SELENOF: variants seen among roughly 807,000 people sequenced by gnomAD.
SELENOF encodes the protein selenoprotein F.
Under a neutral mutation model 20.5 loss-of-function variants are expected in SELENOF, and 16 were observed. The ratio of observed to expected loss-of-function variants is 0.78; its 90% confidence interval spans 0.53 to 1.19. SELENOF has a LOEUF of 1.19. SELENOF is among the 50% of genes most tolerant of loss of function. The pLI, the probability that SELENOF is intolerant of heterozygous loss-of-function variation, is 0.00. For missense variants in SELENOF, 215 were observed against 194.2 expected (o/e 1.11, Z -0.64); for synonymous variants, 78 against 74.5 (o/e 1.05, Z -0.24).
At chr1:86,904,537 A>C (rs1659782180) in intron 1 of SELENOF, among the ~76,000 whole-genome samples, 1 of 152,096 alleles carries the variant, frequency 6.6e-6, no homozygotes, top group Non-Finnish European at 1.5e-5. Context: ...TCCTCTTTGG[A>C]TTCTATCTTA....
intron 2 of SELENOF, among the ~76,000 whole-genome samples, chr1:86,887,606 C>T (rs552645482): frequency 1.1e-4 from 16 of 152,178 alleles, no homozygotes; most frequent in South Asian, 8.3e-4. Context: ...GATATCAGTG[C>T]ATTCTAGGTT....
At chr1:86,900,019 C>A (rs1461312385) in intron 2 of SELENOF, among the ~76,000 whole-genome samples, 2 of 151,244 alleles carry the variant, frequency 1.3e-5, no homozygotes, top group African/African-American at 4.9e-5. Flanking sequence ...TCCTCACTTC[C>A]TAGATGGGAT....
chr1:86,872,357 CTTTT>C (rs1557454902), intron 3 of SELENOF, among the ~76,000 whole-genome samples: 1 of 151,914 alleles, frequency 6.6e-6, no homozygotes, highest in African/African-American at 2.4e-5. Flanking sequence ...TACTCTGGCT[CTTTT>C]TTTGTTTTGT....
intron 2 of SELENOF, chr1:86,887,030 G>A (rs1047317399): frequency 9.5e-7 from 1 of 1,055,730 alleles, no homozygotes; most frequent in South Asian, 3.2e-5. Flanking sequence ...GCAAAATTTG[G>A]TCAGCGAATT....
chr1:86,900,881 G>C (rs1570403432), intron 2 of SELENOF, among the ~76,000 whole-genome samples: 1 of 152,182 alleles, frequency 6.6e-6, no homozygotes, highest in Non-Finnish European at 1.5e-5. Flanking sequence ...CACACACACA[G>C]AGCTATGTTT....
At chr1:86,885,521 T>TACCACC (rs985953747) in intron 2 of SELENOF, among the ~76,000 whole-genome samples, 3 of 152,124 alleles carry the variant, frequency 2.0e-5, no homozygotes, top group African/African-American at 7.2e-5. Context: ...ATCATACCAC[T>TACCACC]ACCACCACCA....
chr1:86,897,024 G>C (rs1268964162), intron 2 of SELENOF, among the ~76,000 whole-genome samples: 1 of 152,172 alleles, frequency 6.6e-6, no homozygotes, highest in Non-Finnish European at 1.5e-5. Flanking sequence ...TCAAAGAGCA[G>C]GCCGGGCACG....
chr1:86,877,070 T>G (rs775951805), intron 3 of SELENOF, among the ~76,000 whole-genome samples: 13 of 152,150 alleles, frequency 8.5e-5, no homozygotes, highest in Non-Finnish European at 1.6e-4. Context: ...AAGGAGCAAA[T>G]ATAAGATACA....
At chr1:86,909,379 C>A (rs191048566) in intron 1 of SELENOF, among the ~76,000 whole-genome samples, 1 of 152,128 alleles carries the variant, frequency 6.6e-6, no homozygotes, top group Non-Finnish European at 1.5e-5. Context: ...GGTGAATTGT[C>A]CAGCACTCTC....
chr1:86,890,787 G>C (rs1026940232), intron 2 of SELENOF, among the ~76,000 whole-genome samples: 2 of 151,850 alleles, frequency 1.3e-5, no homozygotes, highest in East Asian at 3.9e-4. Flanking sequence ...TGGGATTACA[G>C]GCGTGAGCCA....
intron 2 of SELENOF, among the ~76,000 whole-genome samples, chr1:86,888,746 C>T (rs1163234976): frequency 1.3e-5 from 2 of 152,228 alleles, no homozygotes; most frequent in African/African-American, 4.8e-5. Flanking sequence ...TCACTGCAAC[C>T]CCCACCTCCC....
chr1:86,885,849 G>A (rs1358814576), intron 2 of SELENOF, among the ~76,000 whole-genome samples: 1 of 152,120 alleles, frequency 6.6e-6, no homozygotes, highest in Non-Finnish European at 1.5e-5. Flanking sequence ...CAACAAAAGG[G>A]TTATTTACTT....
chr1:86,870,623 A>T (rs868665295), intron 3 of SELENOF, among the ~76,000 whole-genome samples: 8 of 148,704 alleles, frequency 5.4e-5, no homozygotes, highest in African/African-American at 7.4e-5. Flanking sequence ...TTATTAAAAT[A>T]TTTTTTTTTT....
rs1351070023 is a variant in SELENOF at position 86,903,445 on chromosome 1, A to G, written c.88T>C (p.Ser30Pro). 1 of 1,592,912 alleles carries G rather than the reference A, an allele frequency of 6.3e-7. No individual in the cohort carries two copies. Among genetic ancestry groups the G allele is most frequent in the South Asian group, 1.2e-5 (1 of 86,724 alleles). ...GATGAAAACTCTGCCCCAAAAGCAG[A>G]CACCTGAAAATAAAAAATGGGAAAT... is the stretch of plus-strand genomic sequence containing the variant. ...LLLATVLQAV[S>P]AFGAEFSSEA... is the part of the protein sequence containing the mutation. Residue 30 changes from serine to proline, a missense_variant, in exon 2 of 5, where the codon TCT becomes CCT. Coordinates refer to ENST00000331835, the MANE Select transcript of SELENOF (RefSeq NM_004261.5).
chr1:86,896,362 A>G (rs1226013841), intron 2 of SELENOF, among the ~76,000 whole-genome samples: 8 of 152,220 alleles, frequency 5.3e-5, no homozygotes, highest in African/African-American at 1.7e-4. Context: ...AATAATGAAA[A>G]AAAGCATCCA....
chr1:86,904,240 T>C (rs547334125), intron 1 of SELENOF, among the ~76,000 whole-genome samples: 27 of 152,290 alleles, frequency 1.8e-4, no homozygotes, highest in Admixed American at 1.7e-3. Flanking sequence ...TTCAAACTTT[T>C]GGTTTTAGGT....
chr1:86,880,587 T>C (rs1012888972), intron 3 of SELENOF, 75 bp downstream of exon 3: 2 of 759,646 alleles, frequency 2.6e-6, no homozygotes, highest in Non-Finnish European at 4.3e-6. Context: ...TTCCTGGGAA[T>C]ATATAGTGAA....
chr1:86,911,910 A>C (rs1008764630), intron 1 of SELENOF, among the ~76,000 whole-genome samples: 7 of 151,844 alleles, frequency 4.6e-5, no homozygotes, highest in African/African-American at 1.7e-4. Context: ...CAGCCTCCCG[A>C]GTAGGCATGC....
chr1:86,866,039 T>TA (rs1165788441), intron 4 of SELENOF, among the ~76,000 whole-genome samples: 5 of 150,842 alleles, frequency 3.3e-5, no homozygotes, highest in African/African-American at 7.3e-5. Context: ...TATAAAAAAA[T>TA]AAAAAAAATT....
Sources: gnomAD v4.1 joint callset for allele counts (sites outside exome capture counted in the v4.1 genomes callset) on GRCh38, gnomAD v4.1.1 for gene constraint, MANE v1.5 for transcripts, NCBI Gene and HGNC (gene_info 2026-07-23, HGNC 2026-07-21) for gene names.